The following TMEM135 variants were observed in gnomAD, a reference collection of about 807,000 sequenced individuals.
The protein encoded by TMEM135 is peroxisomal membrane protein 52.
A neutral mutation model predicts 60.3 loss-of-function variants in TMEM135; 30 were observed. The observed-to-expected ratio is 0.50, with a 90% CI of 0.37 to 0.68. The LOEUF (loss-of-function observed/expected upper bound fraction) is 0.68, where lower values mean the gene tolerates loss of function less well. Ranked by LOEUF, TMEM135 falls within the 30% of genes least tolerant of loss-of-function variation. The pLI, the probability that TMEM135 is intolerant of heterozygous loss-of-function variation, is 0.00. For synonymous variants in TMEM135, 190 were observed against 186.7 expected, an observed-to-expected ratio of 1.02 and a Z score of -0.14; for missense variants, 468 against 548.8, an observed-to-expected ratio of 0.85 and a Z score of 1.47.
chr11:87,138,091 T>C (rs946133126), intron 4 of TMEM135, among the ~76,000 whole-genome samples: 2 of 150,980 alleles, frequency 1.3e-5, no homozygotes, highest in East Asian at 2.0e-4. Context: ...TTGATTTCTT[T>C]TTTTTTTTTT....
chr11:87,212,175 A>G (rs1565487983), intron 5 of TMEM135, among the ~76,000 whole-genome samples: 2 of 152,312 alleles, frequency 1.3e-5, no homozygotes, highest in Middle Eastern at 3.4e-3. Context: ...ATTAATCTGC[A>G]TAAAAGTTTT....
chr11:87,321,857 T>C lies in TMEM135; in HGVS notation c.*524T>C, dbSNP rs1436121550. The C allele has an allele frequency of 2.2e-6, 1 of 454,334 alleles. No individual in the cohort carries two copies. The highest frequency in any genetic ancestry group is 2.4e-5 in the Admixed American group (1 of 42,514). The allele number at this position is 454,334 out of a possible 1,614,324, so 28.1% of individuals were successfully genotyped here. ...CTCCACGGACAGTGCTGCTTTCGTG[T>C]AGAGCAATTTAATTGGAGAAGTGGC... On this transcript the variant is annotated 3_prime_UTR_variant, in exon 15 of 15. Coordinates refer to ENST00000305494, the MANE Select transcript of TMEM135 (RefSeq NM_022918.4).
chr11:87,251,885 C>T (rs531938066), intron 6 of TMEM135, among the ~76,000 whole-genome samples: 3 of 152,130 alleles, frequency 2.0e-5, no homozygotes, highest in African/African-American at 4.8e-5. Flanking sequence ...TCAGTAAGGA[C>T]AGCATTATCT....
chr11:87,157,449 A>G (rs1045974660), intron 5 of TMEM135, 43 bp downstream of exon 5: 2 of 1,548,788 alleles, frequency 1.3e-6, no homozygotes, highest in African/African-American at 2.7e-5. Context: ...GTTAATTTAT[A>G]GTTTGCGATT....
intron 5 of TMEM135, among the ~76,000 whole-genome samples, chr11:87,187,251 C>T (rs752495809): frequency 6.6e-6 from 1 of 152,106 alleles, no homozygotes; most frequent in African/African-American, 2.4e-5. Flanking sequence ...CGGTGCTTCA[C>T]AGAAAGTCTC....
At chr11:87,088,730 C>A (rs1429447681) in intron 3 of TMEM135, among the ~76,000 whole-genome samples, 4 of 152,138 alleles carry the variant, frequency 2.6e-5, no homozygotes, top group Non-Finnish European at 5.9e-5. Context: ...TAGAAACCTG[C>A]ATTTAAGAGC....
chr11:87,270,664 A>G (rs550789925), intron 6 of TMEM135, among the ~76,000 whole-genome samples: 2 of 152,276 alleles, frequency 1.3e-5, no homozygotes, highest in East Asian at 1.9e-4. Flanking sequence ...AAACTAAGTA[A>G]GACTTTTTGT....
intron 4 of TMEM135, among the ~76,000 whole-genome samples, chr11:87,127,695 C>T (rs1937775807): frequency 6.6e-6 from 1 of 152,194 alleles, no homozygotes; most frequent in Admixed American, 6.5e-5. Flanking sequence ...TCCTACCTAC[C>T]AGTGTTAGGG....
chr11:87,085,044 C>G (rs1418659292), intron 3 of TMEM135, among the ~76,000 whole-genome samples: 1 of 152,162 alleles, frequency 6.6e-6, no homozygotes, highest in Non-Finnish European at 1.5e-5. Flanking sequence ...TAAATATAGT[C>G]AAATGTAAAA....
intron 6 of TMEM135, among the ~76,000 whole-genome samples, chr11:87,294,957 C>T (rs2135433304): frequency 6.6e-6 from 1 of 152,158 alleles, no homozygotes; most frequent in East Asian, 1.9e-4. Context: ...TAGACTGTTT[C>T]AGGAGGATAT....
chr11:87,070,938 A>G (rs1269625254), intron 2 of TMEM135, among the ~76,000 whole-genome samples: 1 of 152,198 alleles, frequency 6.6e-6, no homozygotes, highest in Non-Finnish European at 1.5e-5. Flanking sequence ...AGTACTTGTT[A>G]TGTGTCCTGC....
intron 5 of TMEM135, among the ~76,000 whole-genome samples, chr11:87,160,164 C>CA (rs750923498): frequency 4.3e-4 from 66 of 152,216 alleles, no homozygotes; most frequent in Non-Finnish European, 7.1e-4. Context: ...TACATGATGA[C>CA]AATAAACTTT....
chr11:87,327,097 A>AT lies in TMEM135; in HGVS notation c.*5765dup. 2.2e-6 allele frequency: 1 copy of AT among 453,938 alleles called. No homozygotes were observed. The highest frequency in any genetic ancestry group is 4.4e-6 in the Non-Finnish European group (1 of 226,744). 28.1% of individuals were successfully genotyped at this position (453,938 alleles called of 1,614,324 possible). ...GAATCATAATTGTTCTAGGCCTTTC[A>AT]TGTCTTTCCTTTCTTCTTGTCCAGA... On this transcript the variant is annotated 3_prime_UTR_variant, in exon 15 of 15. Coordinates refer to ENST00000305494, the MANE Select transcript of TMEM135 (RefSeq NM_022918.4).
At chr11:87,086,259 A>G (rs1285117396) in intron 3 of TMEM135, among the ~76,000 whole-genome samples, 1 of 151,852 alleles carries the variant, frequency 6.6e-6, no homozygotes, top group East Asian at 1.9e-4. Flanking sequence ...TTGATGCAGG[A>G]TTTTTCTTGT....
Position 87,324,800 on chromosome 11 carries a change from A to C in TMEM135, c.*3467A>C, listed in dbSNP as rs1210667286. 2.2e-6 allele frequency: 1 copy of C among 453,986 alleles called. No homozygotes were observed. The highest frequency in any genetic ancestry group is 4.4e-6 in the Non-Finnish European group (1 of 226,764). 28.1% of individuals were successfully genotyped at this position (453,986 alleles called of 1,614,324 possible). A position where few individuals can be genotyped will look rare whatever the true frequency, so the allele number is the denominator to read the frequency against. ...AAGTTGTCCTTTGTTTCCCAAAGGC[A>C]AAAGTATACATTTCTTACTAAGATA... On this transcript the variant is annotated 3_prime_UTR_variant, in exon 15 of 15. Transcript: ENST00000305494.
At chr11:87,268,330 G>C (rs1941795125) in intron 6 of TMEM135, among the ~76,000 whole-genome samples, 1 of 150,838 alleles carries the variant, frequency 6.6e-6, no homozygotes, top group Non-Finnish European at 1.5e-5. Flanking sequence ...TTTCCAGGCT[G>C]ATCTGGAACT....
chr11:87,317,696 G>T (rs751979240), intron 12 of TMEM135, among the ~76,000 whole-genome samples: 1 of 152,072 alleles, frequency 6.6e-6, no homozygotes, highest in Non-Finnish European at 1.5e-5. Context: ...AAGAAGAGAA[G>T]GCTGTTGCCA....
At chr11:87,248,873 G>A (rs1941353773) in intron 6 of TMEM135, among the ~76,000 whole-genome samples, 1 of 152,058 alleles carries the variant, frequency 6.6e-6, no homozygotes, top group Non-Finnish European at 1.5e-5. Flanking sequence ...TGTAGCTATT[G>A]TAAATGGGAT....
intron 5 of TMEM135, among the ~76,000 whole-genome samples, chr11:87,213,035 A>G (rs764672790): frequency 3.3e-5 from 5 of 152,128 alleles, no homozygotes; most frequent in Non-Finnish European, 7.4e-5. Flanking sequence ...TCACAAGTAA[A>G]TCTTGTGATT....
Sources: gnomAD v4.1 joint callset for allele counts (sites outside exome capture counted in the v4.1 genomes callset) on GRCh38, gnomAD v4.1.1 for gene constraint, MANE v1.5 for transcripts, NCBI Gene and HGNC (gene_info 2026-07-23, HGNC 2026-07-21) for gene names.